The following RADX variants were observed in gnomAD, a reference collection of about 807,000 sequenced individuals.
The protein encoded by RADX is RPA1 related single stranded DNA binding protein, X-linked.
A neutral mutation model predicts 61.6 loss-of-function variants in RADX; 36 were observed. That is an observed-to-expected ratio of 0.58 (90% CI 0.45 to 0.77). The LOEUF is 0.77. Ranked by LOEUF, RADX falls within the 30% of genes least tolerant of loss-of-function variation. The pLI is 0.00. For synonymous variants in RADX, 272 were observed against 237.9 expected, an observed-to-expected ratio of 1.14 and a Z score of -1.32; for missense variants, 497 against 651.1, an observed-to-expected ratio of 0.76 and a Z score of 2.58.
At chrX:106,660,721 A>C (rs755203435) in intron 11 of RADX, among the ~76,000 whole-genome samples, 1 of 112,102 alleles carries the variant, frequency 8.9e-6, no homozygotes, top group Admixed American at 9.5e-5. Flanking sequence ...TCAAAGTATT[A>C]CTTGTACCAA....
intron 13 of RADX, among the ~76,000 whole-genome samples, chrX:106,677,196 G>T (rs190892141): frequency 2.9e-4 from 33 of 111,923 alleles, no homozygotes; most frequent in African/African-American, 1.1e-3. Context: ...TTGAGAATAA[G>T]GTCTGCATTG....
intron 13 of RADX, among the ~76,000 whole-genome samples, chrX:106,676,727 T>C (rs77379533): frequency 3.6e-5 from 4 of 112,032 alleles, no homozygotes; most frequent in African/African-American, 1.3e-4. Flanking sequence ...TTTTTGTAAA[T>C]TGACCTGGAG....
intron 1 of RADX, among the ~76,000 whole-genome samples, chrX:106,617,481 T>C (rs927264711): frequency 8.9e-6 from 1 of 112,221 alleles, no homozygotes; most frequent in African/African-American, 3.2e-5. Context: ...GAATATTGGC[T>C]TCTCTCTATG....
intron 13 of RADX, among the ~76,000 whole-genome samples, chrX:106,671,043 C>T (rs1438379146): frequency 1.8e-5 from 2 of 111,204 alleles, no homozygotes; most frequent in African/African-American, 6.5e-5. Context: ...TGAAAGCTCC[C>T]CTCCTTGCCT....
At chrX:106,654,378 G>A (rs1249693761) in intron 11 of RADX, among the ~76,000 whole-genome samples, 1 of 110,787 alleles carries the variant, frequency 9.0e-6, no homozygotes, top group South Asian at 3.9e-4. Flanking sequence ...TTCTTGATGG[G>A]GTTGTTTATT....
intron 11 of RADX, among the ~76,000 whole-genome samples, chrX:106,659,465 A>G (rs1482593611): frequency 1.8e-5 from 2 of 112,503 alleles, no homozygotes; most frequent in Non-Finnish European, 3.8e-5. Context: ...TTGAAATAAT[A>G]GAATGAAAAT....
At chrX:106,641,150 G>A (rs946373024) in intron 10 of RADX, among the ~76,000 whole-genome samples, 10 of 110,265 alleles carry the variant, frequency 9.1e-5, no homozygotes, top group African/African-American at 1.7e-4. Flanking sequence ...CCAGTATGAC[G>A]TCATCTTTAT....
Position 106,633,312 on chromosome X carries a change from TGTAGA to T in RADX, c.1303+64_1303+68del. On this transcript the variant is annotated intron_variant, in intron 6 of 13. Transcript: ENST00000372548. ...GAAGTAGGAGAATTAACTTTAAAAA[TGTAGA>T]GTAAACTGACTTACAGAAGTAGGGT... 3 of 1,021,766 alleles carry T rather than the reference TGTAGA, an allele frequency of 2.9e-6. 1 individual carries two copies. Among genetic ancestry groups the T allele is most frequent in the South Asian group, 4.3e-5 (2 of 46,543 alleles). The allele number at this position is 1,021,766 out of a possible 1,213,427, so 84.2% of individuals were successfully genotyped here. A position where few individuals can be genotyped will look rare whatever the true frequency, so the allele number is the denominator to read the frequency against.
chrX:106,655,560 C>T (rs1258671648), intron 11 of RADX, among the ~76,000 whole-genome samples: 1 of 108,607 alleles, frequency 9.2e-6, no homozygotes, highest in East Asian at 2.9e-4. Flanking sequence ...TCTCATTGTT[C>T]AATTCCCACC....
At chrX:106,670,328 T>C (rs1016948409) in intron 13 of RADX, among the ~76,000 whole-genome samples, 29 of 111,163 alleles carry the variant, frequency 2.6e-4, no homozygotes, top group African/African-American at 9.5e-4. Context: ...TGTGCACTCA[T>C]GTATGCTCAT....
At chrX:106,623,699 TGTGA>T (rs1161417723) in intron 2 of RADX, among the ~76,000 whole-genome samples, 3 of 111,521 alleles carry the variant, frequency 2.7e-5, no homozygotes, top group Non-Finnish European at 3.8e-5. Context: ...ATATATTTCA[TGTGA>T]GTGTGTATAT....
At chrX:106,620,153 C>T (rs1315571061) in intron 1 of RADX, among the ~76,000 whole-genome samples, 4 of 111,575 alleles carry the variant, frequency 3.6e-5, no homozygotes, top group African/African-American at 1.3e-4. Context: ...AACTGAGTAT[C>T]AAAGAAGATA....
chrX:106,630,013 A>G (rs1927174954), intron 3 of RADX, among the ~76,000 whole-genome samples: 1 of 111,910 alleles, frequency 8.9e-6, no homozygotes, highest in Admixed American at 9.5e-5. Flanking sequence ...ATAGCAAGAG[A>G]AGGAAACTTC....
chrX:106,625,313 C>T, intron 3 of RADX, 31 bp downstream of exon 3: 2 of 1,009,446 alleles, frequency 2.0e-6, no homozygotes, highest in Non-Finnish European at 2.6e-6. Context: ...GTTGTCTTAT[C>T]GCTGTTTTGT....
intron 12 of RADX, among the ~76,000 whole-genome samples, chrX:106,662,653 C>T (rs1464975455): frequency 3.8e-5 from 4 of 104,044 alleles, no homozygotes; most frequent in Non-Finnish European, 7.8e-5. Flanking sequence ...ATCGGAACCA[C>T]TGAAGGGTAA....
At chrX:106,675,009 C>T (rs1420580461) in intron 13 of RADX, among the ~76,000 whole-genome samples, 36 of 100,812 alleles carry the variant, frequency 3.6e-4, no homozygotes, top group African/African-American at 6.9e-4. Context: ...GGCAACAGAG[C>T]GAGACTCCAT....
intron 8 of RADX, 164 bp downstream of exon 8, chrX:106,638,088 T>A: frequency 2.3e-6 from 1 of 430,913 alleles, no homozygotes; most frequent in Non-Finnish European, 4.0e-6. Flanking sequence ...TAAAAATATA[T>A]GTCACGTATT....
intron 11 of RADX, among the ~76,000 whole-genome samples, chrX:106,653,995 A>G (rs892363181): frequency 3.6e-5 from 4 of 112,005 alleles, no homozygotes; most frequent in Admixed American, 1.9e-4. Context: ...CTCAATAAAC[A>G]TAAGTGTGCA....
At chrX:106,636,476 A>G in intron 6 of RADX, 67 bp from the exon 7 acceptor site, 1 of 613,474 alleles carries the variant, frequency 1.6e-6, no homozygotes, top group Non-Finnish European at 2.7e-6. Context: ...GCATTGTGTT[A>G]GATCCTGATC....
Sources: gnomAD v4.1 joint callset for allele counts (sites outside exome capture counted in the v4.1 genomes callset) on GRCh38, gnomAD v4.1.1 for gene constraint, MANE v1.5 for transcripts, NCBI Gene and HGNC (gene_info 2026-07-23, HGNC 2026-07-21) for gene names.